The following MTUS2 variants were observed in gnomAD, a reference collection of about 807,000 sequenced individuals.
MTUS2 encodes the protein microtubule associated scaffold protein 2, also known as microtubule-associated tumor suppressor candidate 2.
A neutral mutation model predicts 114.1 loss-of-function variants in MTUS2; 40 were observed. The observed-to-expected ratio is 0.35, with a 90% confidence interval of 0.27 to 0.46. The LOEUF is 0.46. MTUS2 is among the 20% of genes least tolerant of loss of function. The pLI is 1.00. For missense variants in MTUS2, 1,679 were observed against 1,705.4 expected (o/e 0.98, Z 0.27); for synonymous variants, 688 against 672.0 (o/e 1.02, Z -0.37).
At chr13:29,304,079 G>A (rs1899328218) in intron 6 of MTUS2, among the ~76,000 whole-genome samples, 1 of 152,076 alleles carries the variant, frequency 6.6e-6, no homozygotes, top group Non-Finnish European at 1.5e-5. Flanking sequence ...TTACAGACAA[G>A]CAAATGCTTA....
chr13:29,178,504 C>G (rs539003045), intron 5 of MTUS2, among the ~76,000 whole-genome samples: 1 of 151,988 alleles, frequency 6.6e-6, no homozygotes, highest in African/African-American at 2.4e-5. Context: ...GATAATTCTT[C>G]GCTGTTGGGG....
At chr13:29,252,393 G>T (rs1462717438) in intron 5 of MTUS2, among the ~76,000 whole-genome samples, 1 of 151,970 alleles carries the variant, frequency 6.6e-6, no homozygotes, top group Non-Finnish European at 1.5e-5. Context: ...TAACCCTTTT[G>T]GCCTCATCCT....
intron 8 of MTUS2, among the ~76,000 whole-genome samples, chr13:29,433,160 T>C (rs1877133540): frequency 1.3e-5 from 2 of 152,186 alleles, no homozygotes; most frequent in African/African-American, 2.4e-5. Context: ...AATCCAGGTA[T>C]GATGTGATAT....
chr13:29,249,593 C>T (rs142280847), intron 5 of MTUS2, among the ~76,000 whole-genome samples: 2,766 of 152,192 alleles, frequency 0.018, 93 homozygotes, highest in African/African-American at 0.064. Context: ...TGTTTGTTGG[C>T]GGCATAAATG....
chr13:29,004,255 A>G (rs1028094496), intron 2 of MTUS2, among the ~76,000 whole-genome samples: 3 of 152,218 alleles, frequency 2.0e-5, no homozygotes, highest in Admixed American at 1.3e-4. Flanking sequence ...TCAGAAAACA[A>G]TTCTTATCCA....
At chr13:28,832,077 T>C (rs944735165) in intron 1 of MTUS2, among the ~76,000 whole-genome samples, 2 of 152,080 alleles carry the variant, frequency 1.3e-5, no homozygotes, top group Non-Finnish European at 2.9e-5. Context: ...ATACCTCATT[T>C]TCAAAAATGG....
chr13:29,092,454 TC>T (rs1379735301), intron 4 of MTUS2, among the ~76,000 whole-genome samples: 1 of 152,200 alleles, frequency 6.6e-6, no homozygotes, highest in East Asian at 1.9e-4. Context: ...CACCCTCGCA[TC>T]CCCTCTCTGC....
At position 29,263,461 on chromosome 13, in the gene MTUS2, T is replaced by C. The variant is rs12428958; in HGVS notation, c.2645-18243T>C. On this transcript the variant is annotated intron_variant, in intron 5 of 15. Coordinates refer to ENST00000612955, the MANE Select transcript of MTUS2 (RefSeq NM_001033602.4). ...GGGGAGTAGTGAAATGCGTCTCTGTTAGGCTGTTCTTGCATTGCCATAAAT... is the reference window on the plus strand; with the variant it reads ...GGGGAGTAGTGAAATGCGTCTCTGTCAGGCTGTTCTTGCATTGCCATAAAT... Among the ~76,000 whole-genome samples the C allele has an allele frequency of 4.6e-3, 702 of 152,278 alleles. 26 individuals carry two copies. Among genetic ancestry groups the C allele is most frequent in the Admixed American group, 0.039 (602 of 15,302 alleles).
intron 2 of MTUS2, among the ~76,000 whole-genome samples, chr13:28,857,869 C>G (rs1160901005): frequency 2.6e-5 from 4 of 152,202 alleles, no homozygotes. Context: ...TCCATTCTTT[C>G]CAGAGATCCT....
At chr13:29,419,142 A>G (rs1875891823) in intron 8 of MTUS2, among the ~76,000 whole-genome samples, 1 of 152,166 alleles carries the variant, frequency 6.6e-6, no homozygotes, top group South Asian at 2.1e-4. Context: ...TAAATTAGAA[A>G]AATCCAGTAG....
intron 5 of MTUS2, among the ~76,000 whole-genome samples, chr13:29,200,750 C>T (rs140358970): frequency 1.6e-4 from 25 of 152,060 alleles, no homozygotes; most frequent in African/African-American, 5.3e-4. Flanking sequence ...GAATACCCAA[C>T]CTCAGGTGAT....
intron 1 of MTUS2, among the ~76,000 whole-genome samples, chr13:28,822,283 C>A (rs781608307): frequency 1.6e-4 from 24 of 152,140 alleles, no homozygotes; most frequent in Non-Finnish European, 3.1e-4. Flanking sequence ...TTTGGTACTC[C>A]ATTAAACTCC....
Position 29,146,894 on chromosome 13 carries a change from G to T in MTUS2, c.2644+45924G>T, listed in dbSNP as rs189479488. Among the ~76,000 whole-genome samples, 132 of 152,280 alleles carry T rather than the reference G, an allele frequency of 8.7e-4. No individual in the cohort carries two copies. The Middle Eastern group carries it at 0.01, about 12-fold the overall frequency. ...GGATGGCACAGGATTTATTAAGTGT[G>T]CAGTACATGTTTGTTGCATGAATGA... On this transcript the variant is annotated intron_variant, in intron 5 of 15. Transcript: ENST00000612955.
At chr13:29,045,770 T>A (rs1347970659) in intron 4 of MTUS2, among the ~76,000 whole-genome samples, 1 of 152,188 alleles carries the variant, frequency 6.6e-6, no homozygotes, top group East Asian at 1.9e-4. Flanking sequence ...CCATCGGGCC[T>A]TTGGGCCTTC....
intron 8 of MTUS2, among the ~76,000 whole-genome samples, chr13:29,420,251 C>T (rs1217736979): frequency 6.7e-6 from 1 of 150,058 alleles, no homozygotes; most frequent in African/African-American, 2.5e-5. Flanking sequence ...TTCTTTCTTT[C>T]TTTCTTTCTT....
intron 6 of MTUS2, chr13:29,307,358 G>C (rs1322178515): frequency 1.3e-6 from 1 of 753,648 alleles, no homozygotes; most frequent in South Asian, 1.5e-5. Flanking sequence ...CCATCCAGGA[G>C]ACTGTGGTGT....
At chr13:29,362,529 T>C (rs1216977737) in intron 8 of MTUS2, among the ~76,000 whole-genome samples, 1 of 151,402 alleles carries the variant, frequency 6.6e-6, no homozygotes. Context: ...ATAAAAAAAA[T>C]TAAAAAAATT....
At chr13:29,113,336 T>A (rs1355933017) in intron 5 of MTUS2, among the ~76,000 whole-genome samples, 1 of 152,208 alleles carries the variant, frequency 6.6e-6, no homozygotes, top group Non-Finnish European at 1.5e-5. Context: ...TTGCTGGCTT[T>A]AGGGCAGGTA....
At chr13:29,130,847 A>G (rs1451693244) in intron 5 of MTUS2, among the ~76,000 whole-genome samples, 1 of 152,112 alleles carries the variant, frequency 6.6e-6, no homozygotes, top group Non-Finnish European at 1.5e-5. Context: ...GATGGTCTCA[A>G]TCTTTTGACC....
Sources: gnomAD v4.1 joint callset for allele counts (sites outside exome capture counted in the v4.1 genomes callset) on GRCh38, gnomAD v4.1.1 for gene constraint, MANE v1.5 for transcripts, NCBI Gene and HGNC (gene_info 2026-07-23, HGNC 2026-07-21) for gene names.